The following AGBL4 variants were observed in gnomAD, a reference collection of about 807,000 sequenced individuals.
AGBL4 encodes AGBL carboxypeptidase 4.
AGBL4 carries 58 observed loss-of-function variants against 66.4 expected under a neutral mutation model. The ratio of observed to expected loss-of-function variants is 0.87; its 90% CI spans 0.71 to 1.09. The LOEUF is 1.09. Among genes scored for constraint, AGBL4 ranks in the 50% least tolerant of loss-of-function variants. AGBL4 has a pLI of 0.00. For synonymous variants in AGBL4, 234 were observed against 222.9 expected, an observed-to-expected ratio of 1.05 and a Z score of -0.44; for missense variants, 579 against 631.0, an observed-to-expected ratio of 0.92 and a Z score of 0.88.
chr1:48,727,657 T>G (rs1647384920), intron 6 of AGBL4: 2 of 322,602 alleles, frequency 6.2e-6, no homozygotes, highest in Non-Finnish European at 1.1e-5. Flanking sequence ...AAGAAGAGTG[T>G]TTTCCCCATT....
At chr1:48,602,850 T>C (rs1263153117) in intron 9 of AGBL4, among the ~76,000 whole-genome samples, 2 of 152,196 alleles carry the variant, frequency 1.3e-5, no homozygotes, top group African/African-American at 4.8e-5. Context: ...CCTTTTCTTC[T>C]TCTGTTCCCC....
At chr1:49,639,418 C>G (rs1390793981) in intron 3 of AGBL4, among the ~76,000 whole-genome samples, 1 of 152,208 alleles carries the variant, frequency 6.6e-6, no homozygotes, top group Non-Finnish European at 1.5e-5. Context: ...AAGTGAGCTT[C>G]TCTCACACTT....
intron 1 of AGBL4, among the ~76,000 whole-genome samples, chr1:49,964,285 T>G (rs1657368529): frequency 6.6e-6 from 1 of 152,134 alleles, no homozygotes; most frequent in South Asian, 2.1e-4. Context: ...TACTGAATAA[T>G]CTTAGGCAAG....
At chr1:49,874,664 T>A (rs1646930523) in intron 1 of AGBL4, among the ~76,000 whole-genome samples, 1 of 152,132 alleles carries the variant, frequency 6.6e-6, no homozygotes, top group African/African-American at 2.4e-5. Flanking sequence ...TGCTCAAGTA[T>A]TATTCTACAG....
At chr1:49,483,262 C>A (rs1646994028) in intron 3 of AGBL4, among the ~76,000 whole-genome samples, 1 of 151,938 alleles carries the variant, frequency 6.6e-6, no homozygotes, top group Admixed American at 6.6e-5. Flanking sequence ...CTTTGAGGAT[C>A]TTAACCAAAG....
intron 2 of AGBL4, among the ~76,000 whole-genome samples, chr1:49,797,073 A>G (rs1486111285): frequency 1.3e-5 from 2 of 152,202 alleles, no homozygotes; most frequent in Admixed American, 6.5e-5. Context: ...TAAAATTAGA[A>G]TGTACTACAT....
chr1:49,784,878 CA>C (rs1281780634), intron 2 of AGBL4, among the ~76,000 whole-genome samples: 1 of 151,866 alleles, frequency 6.6e-6, no homozygotes, highest in East Asian at 1.9e-4. Context: ...AAATGCAAAT[CA>C]AAACCACAAT....
At chr1:49,747,944 T>TG (rs1651120881) in intron 2 of AGBL4, among the ~76,000 whole-genome samples, 8 of 147,464 alleles carry the variant, frequency 5.4e-5, no homozygotes, top group East Asian at 2.0e-4. Flanking sequence ...GTGTGTGTGT[T>TG]TGTGTGTGTG....
chr1:49,352,866 TAGTAGTAGCAGC>T (rs755088864), intron 3 of AGBL4, among the ~76,000 whole-genome samples: 22 of 152,178 alleles, frequency 1.4e-4, no homozygotes, highest in Non-Finnish European at 2.6e-4. Flanking sequence ...AAATGTCACA[TAGTAGTAGCAGC>T]AGATGGAGTT....
At chr1:49,947,999 A>T (rs866083966) in intron 1 of AGBL4, among the ~76,000 whole-genome samples, 20 of 33,166 alleles carry the variant, frequency 6.0e-4, no homozygotes, top group South Asian at 1.5e-3. Flanking sequence ...TATATATATA[A>T]ATATATATAA....
At chr1:49,066,513 C>A (rs1330713255) in intron 4 of AGBL4, among the ~76,000 whole-genome samples, 3 of 152,192 alleles carry the variant, frequency 2.0e-5, no homozygotes, top group Admixed American at 1.3e-4. Flanking sequence ...GACTGCACCA[C>A]TGCAACTCCA....
At chr1:49,948,027 A>ATATAT (rs1655491900) in intron 1 of AGBL4, among the ~76,000 whole-genome samples, 1 of 75,876 alleles carries the variant, frequency 1.3e-5, no homozygotes, top group African/African-American at 6.9e-5. Flanking sequence ...AATATATATA[A>ATATAT]ATATATATAC....
chr1:49,580,044 C>T (rs1173646702), intron 3 of AGBL4, among the ~76,000 whole-genome samples: 1 of 152,050 alleles, frequency 6.6e-6, no homozygotes, highest in Non-Finnish European at 1.5e-5. Context: ...CTCAATTGAT[C>T]CCTGTGTGAT....
At chr1:49,758,503 T>C (rs1328512954) in intron 2 of AGBL4, among the ~76,000 whole-genome samples, 1 of 152,060 alleles carries the variant, frequency 6.6e-6, no homozygotes, top group African/African-American at 2.4e-5. Context: ...CCCAGGGTCA[T>C]GGGAGGCCAC....
intron 3 of AGBL4, among the ~76,000 whole-genome samples, chr1:49,377,475 T>C (rs774571263): frequency 6.6e-6 from 1 of 152,094 alleles, no homozygotes; most frequent in African/African-American, 2.4e-5. Flanking sequence ...TGGCTTTAAG[T>C]ATAGTGCTCT....
downstream of AGBL4, among the ~76,000 whole-genome samples, chr1:48,530,158 G>T (rs187427249): frequency 6.6e-6 from 1 of 152,292 alleles, no homozygotes; most frequent in East Asian, 1.9e-4. Context: ...AAGGGGAGCA[G>T]TGTTTGAATC....
chr1:49,143,172 C>T lies in AGBL4; in HGVS notation c.378-97372G>A, dbSNP rs571606187. Among the ~76,000 whole-genome samples the T allele has an allele frequency of 2.6e-5, 4 of 152,268 alleles. No individual in the cohort carries two copies. In the South Asian group the frequency reaches 8.3e-4, roughly 32 times the overall value. Reference sequence around the variant, plus strand: ...TCTATAGCCTTATCTCTCCCCATGTCCTATTCATTAATTTAAGGAGAAGCC... The same window carrying T: ...TCTATAGCCTTATCTCTCCCCATGTTCTATTCATTAATTTAAGGAGAAGCC... On this transcript the variant is annotated intron_variant, in intron 4 of 13. Coordinates refer to ENST00000371839, the MANE Select transcript of AGBL4 (RefSeq NM_032785.4).
chr1:48,849,571 C>T (rs1339633262), intron 6 of AGBL4, among the ~76,000 whole-genome samples: 2 of 152,230 alleles, frequency 1.3e-5, no homozygotes, highest in African/African-American at 4.8e-5. Context: ...TTCTTACCAT[C>T]TACTCCTCAC....
At chr1:49,386,735 C>T (rs554749178) in intron 3 of AGBL4, among the ~76,000 whole-genome samples, 1 of 152,030 alleles carries the variant, frequency 6.6e-6, no homozygotes, top group South Asian at 2.1e-4. Context: ...CTGATTAAGA[C>T]AATTATCATT....
Sources: allele counts gnomAD v4.1 joint callset (sites outside exome capture counted in the v4.1 genomes callset), GRCh38; gene constraint gnomAD v4.1.1; transcripts MANE v1.5; gene names NCBI Gene and HGNC (gene_info 2026-07-23, HGNC 2026-07-21).